FMO1: variants seen among roughly 807,000 people sequenced by gnomAD.
FMO1 encodes flavin-containing monooxygenase 1.
In FMO1, 36 loss-of-function variants were observed where a neutral mutation model predicts 45.4. The ratio of observed to expected loss-of-function variants is 0.79; its 90% CI spans 0.61 to 1.05. The LOEUF is 1.05. Ranked by LOEUF, FMO1 falls within the 50% of genes least tolerant of loss-of-function variation. The pLI is 0.00. For synonymous variants in FMO1, 228 were observed against 227.2 expected, an observed-to-expected ratio of 1.00 and a Z score of -0.03; for missense variants, 615 against 640.3, an observed-to-expected ratio of 0.96 and a Z score of 0.43.
chr1:171,285,267 C>T lies in FMO1; in HGVS notation c.1322C>T (p.Thr441Ile). The change falls in exon 9 of 9, where the codon ACC (threonine) becomes ATC (isoleucine). Residue 441 changes from threonine to isoleucine, a missense_variant. Thr to Ile is a moderately conservative substitution (Grantham distance 89). Coordinates refer to ENST00000617670, the MANE Select transcript of FMO1 (RefSeq NM_001282693.2). The stretch of plus-strand genomic sequence containing the variant: ...ATCACATACATAGATGAACTCCTGA[C>T]CTATATCAATGCAAAACCCAACCTG... ...DYITYIDELL[T>I]YINAKPNLFS... 6.2e-7 allele frequency: 1 copy of T among 1,613,902 alleles called. No homozygotes were observed. Among genetic ancestry groups the T allele is most frequent in the Admixed American group, 1.7e-5 (1 of 60,002 alleles).
intron 5 of FMO1, 92 bp from the exon 6 acceptor site, chr1:171,280,694 C>A: frequency 1.9e-6 from 2 of 1,046,492 alleles, no homozygotes; most frequent in Non-Finnish European, 2.9e-6. Context: ...CTTTTCAGTG[C>A]CTTTCCATTC....
At chr1:171,261,889 G>A (rs763154517) in intron 2 of FMO1, among the ~76,000 whole-genome samples, 2 of 152,142 alleles carry the variant, frequency 1.3e-5, no homozygotes, top group Non-Finnish European at 2.9e-5. Context: ...ACTGGGGAAG[G>A]AGAGAGGGTG....
chr1:171,278,348 T>C (rs1376484565), intron 4 of FMO1, among the ~76,000 whole-genome samples: 5 of 152,268 alleles, frequency 3.3e-5, no homozygotes, highest in Non-Finnish European at 5.9e-5. Flanking sequence ...CTTAAGCTTC[T>C]TGCTTATGAA....
intron 2 of FMO1, among the ~76,000 whole-genome samples, chr1:171,265,975 G>A (rs1033600837): frequency 4.6e-5 from 7 of 152,250 alleles, no homozygotes; most frequent in African/African-American, 1.7e-4. Context: ...CCAAAATGAA[G>A]CTGATAGTGC....
chr1:171,283,295 A>AGT, intron 8 of FMO1, 79 bp downstream of exon 8: 1 of 566,158 alleles, frequency 1.8e-6, no homozygotes. Context: ...AAAAAAAAAA[A>AGT]AAGGAAATGA....
intron 3 of FMO1, chr1:171,271,601 T>C: frequency 1.3e-6 from 1 of 766,384 alleles, no homozygotes; most frequent in Non-Finnish European, 2.3e-6. Flanking sequence ...TTAGTTATTT[T>C]TCCCCAGTGA....
intron 8 of FMO1, 49 bp downstream of exon 8, chr1:171,283,265 T>TAA (rs35331306): frequency 9.5e-4 from 71 of 74,730 alleles, no homozygotes; most frequent in African/African-American, 3.7e-3. Flanking sequence ...CTGAAATTGG[T>TAA]AAAAAAAAAA....
intron 8 of FMO1, 72 bp from the exon 9 acceptor site, chr1:171,285,130 G>A (rs986348169): frequency 2.5e-5 from 25 of 998,068 alleles, no homozygotes; most frequent in Non-Finnish European, 3.2e-5. Flanking sequence ...GTTTGCTTTG[G>A]GCACTTGTAC....
intron 3 of FMO1, chr1:171,270,505 A>T (rs1660804724): frequency 2.2e-6 from 2 of 909,858 alleles, no homozygotes; most frequent in Non-Finnish European, 2.6e-6. Flanking sequence ...ACTAATAAAA[A>T]ATTTGTATTT....
intron 4 of FMO1, among the ~76,000 whole-genome samples, chr1:171,276,261 G>C (rs1661103178): frequency 6.6e-6 from 1 of 152,184 alleles, no homozygotes. Flanking sequence ...GCATGCTATG[G>C]TTCTGGATCT....
chr1:171,265,510 T>A (rs1660583217), intron 2 of FMO1, among the ~76,000 whole-genome samples: 1 of 150,936 alleles, frequency 6.6e-6, no homozygotes, highest in South Asian at 2.1e-4. Context: ...AATTATAAAA[T>A]TAATTTCAGT....
chr1:171,278,738 C>T lies in FMO1; in HGVS notation c.494C>T (p.Ala165Val), dbSNP rs201784982. The change falls in exon 5 of 9, where the codon GCC (alanine) becomes GTC (valine). Residue 165 changes from alanine to valine, a missense_variant. By Grantham distance (64) the Ala-to-Val change is moderately conservative. Coordinates refer to ENST00000617670, the MANE Select transcript of FMO1 (RefSeq NM_001282693.2). ...LPLDSFPGIN[A>V]FKGQYFHSRQ... The stretch of plus-strand genomic sequence containing the variant: ...CTTTTATTTTCTATAGGTATTAATG[C>T]CTTTAAAGGCCAGTACTTTCATAGC... The T allele has an allele frequency of 2.4e-5, 38 of 1,601,606 alleles. No individual in the cohort carries two copies. The Middle Eastern group carries it at 5.0e-4, about 21-fold the overall frequency.
At chr1:171,282,514 A>G in intron 7 of FMO1, 181 bp downstream of exon 7, 1 of 517,796 alleles carries the variant, frequency 1.9e-6, no homozygotes, top group Non-Finnish European at 3.4e-6. Context: ...TACTGCATAA[A>G]TGGTATATCA....
chr1:171,253,586 A>AC (rs1339551729), intron 1 of FMO1, among the ~76,000 whole-genome samples: 1 of 151,930 alleles, frequency 6.6e-6, no homozygotes, highest in Non-Finnish European at 1.5e-5. Context: ...ACATGGAGAA[A>AC]CCCCATCTCT....
At chr1:171,261,109 G>T (rs1342219470) in intron 2 of FMO1, among the ~76,000 whole-genome samples, 2 of 152,008 alleles carry the variant, frequency 1.3e-5, no homozygotes, top group East Asian at 1.9e-4. Context: ...TTAGTAACGG[G>T]CTTAGGAAAA....
chr1:171,253,621 C>T (rs559782569), intron 1 of FMO1, among the ~76,000 whole-genome samples: 7 of 152,148 alleles, frequency 4.6e-5, no homozygotes, highest in Middle Eastern at 3.4e-3. Flanking sequence ...AGTAGCCAGA[C>T]GTGGTGGTGT....
Position 171,278,003 on chromosome 1 carries a change from A to G in FMO1, c.485-726A>G, listed in dbSNP as rs550189991. Among the ~76,000 whole-genome samples, 6 of 152,326 alleles carry G rather than the reference A, an allele frequency of 3.9e-5. No homozygotes were observed. In the East Asian group the frequency reaches 9.6e-4, roughly 24 times the overall value. On this transcript the variant is annotated intron_variant, in intron 4 of 8. Coordinates refer to ENST00000617670, the MANE Select transcript of FMO1 (RefSeq NM_001282693.2). Reference sequence around the variant, plus strand: ...TTTTCTGCTTAAGTTATTGCTGTTAAAAAAGAAAAAGAGTATTTTCAAACC... The same window carrying G: ...TTTTCTGCTTAAGTTATTGCTGTTAGAAAAGAAAAAGAGTATTTTCAAACC...
chr1:171,277,435 A>G (rs1383939996), intron 4 of FMO1, among the ~76,000 whole-genome samples: 1 of 151,952 alleles, frequency 6.6e-6, no homozygotes, highest in Non-Finnish European at 1.5e-5. Context: ...TCTTTTTTAT[A>G]TTATAAATTT....
At chr1:171,273,322 G>T (rs960584829) in intron 3 of FMO1, among the ~76,000 whole-genome samples, 8 of 152,092 alleles carry the variant, frequency 5.3e-5, no homozygotes, top group Admixed American at 6.5e-5. Flanking sequence ...TGTGAAAATG[G>T]ACTAATACAT....
Sources: gnomAD v4.1 joint callset for allele counts (sites outside exome capture counted in the v4.1 genomes callset) on GRCh38, gnomAD v4.1.1 for gene constraint, MANE v1.5 for transcripts, NCBI Gene and HGNC (gene_info 2026-07-23, HGNC 2026-07-21) for gene names.